Variants in ADAM22 observed in about 807,000 individuals in gnomAD.
The protein encoded by ADAM22 is disintegrin and metalloproteinase domain-containing protein 22.
ADAM22 carries 65 observed loss-of-function variants against 144.6 expected under a neutral mutation model. The ratio of observed to expected loss-of-function variants is 0.45; its 90% CI spans 0.37 to 0.55. The LOEUF is 0.55. ADAM22 is among the 20% of genes least tolerant of loss of function. ADAM22 has a pLI of 0.00. For missense variants in ADAM22, 974 were observed against 1,184.9 expected (o/e 0.82, Z 2.61); for synonymous variants, 391 against 412.6 (o/e 0.95, Z 0.63).
chr7:88,007,299 A>C (rs1584971324), intron 3 of ADAM22, among the ~76,000 whole-genome samples: 1 of 152,194 alleles, frequency 6.6e-6, no homozygotes. Flanking sequence ...GGAAGAATCA[A>C]TATCGTGAAA....
chr7:88,060,776 A>C (rs1446067712), intron 3 of ADAM22, among the ~76,000 whole-genome samples: 5 of 151,000 alleles, frequency 3.3e-5, no homozygotes, highest in South Asian at 4.2e-4. Context: ...CAAAAAAAAA[A>C]AAAAACAAAA....
At chr7:87,963,915 G>T (rs934369326) in intron 2 of ADAM22, among the ~76,000 whole-genome samples, 1 of 152,066 alleles carries the variant, frequency 6.6e-6, no homozygotes, top group South Asian at 2.1e-4. Context: ...GAGAGTAAGG[G>T]TTTTATTTCT....
At chr7:87,971,066 A>G (rs1033897575) in intron 2 of ADAM22, among the ~76,000 whole-genome samples, 7 of 151,704 alleles carry the variant, frequency 4.6e-5, no homozygotes, top group Admixed American at 1.3e-4. Context: ...AGTGACAGAC[A>G]TATATATATA....
intron 4 of ADAM22, among the ~76,000 whole-genome samples, chr7:88,099,124 G>C (rs988926732): frequency 8.5e-5 from 13 of 152,150 alleles, no homozygotes; most frequent in Non-Finnish European, 1.8e-4. Context: ...TGGAAAAGTG[G>C]TAATGGAGTC....
chr7:88,022,001 T>C (rs1797940522), intron 3 of ADAM22, among the ~76,000 whole-genome samples: 1 of 152,036 alleles, frequency 6.6e-6, no homozygotes, highest in Non-Finnish European at 1.5e-5. Context: ...GCCTCCCGAA[T>C]GTTGAGGACT....
intron 2 of ADAM22, among the ~76,000 whole-genome samples, chr7:87,955,186 G>A (rs528933628): frequency 1.7e-4 from 26 of 152,324 alleles, no homozygotes; most frequent in Non-Finnish European, 2.4e-4. Flanking sequence ...GAGGAACTGC[G>A]TTCCTTTGGA....
chr7:88,035,726 T>C (rs1372698827), intron 3 of ADAM22, among the ~76,000 whole-genome samples: 1 of 152,222 alleles, frequency 6.6e-6, no homozygotes, highest in Non-Finnish European at 1.5e-5. Flanking sequence ...ATAGGCTGTA[T>C]GCAAATACCA....
At chr7:87,952,751 G>C (rs1364414911) in intron 2 of ADAM22, among the ~76,000 whole-genome samples, 2 of 152,096 alleles carry the variant, frequency 1.3e-5, no homozygotes, top group African/African-American at 4.8e-5. Context: ...GGTAGAATTC[G>C]GCTGTGAATC....
intron 4 of ADAM22, among the ~76,000 whole-genome samples, chr7:88,082,802 C>G (rs532280058): frequency 6.6e-6 from 1 of 152,166 alleles, no homozygotes; most frequent in South Asian, 2.1e-4. Flanking sequence ...CATCTCACAC[C>G]AGTTAGAATG....
chr7:88,195,447 A>T (rs547866203), intron 31 of ADAM22, among the ~76,000 whole-genome samples: 2 of 152,300 alleles, frequency 1.3e-5, no homozygotes, highest in African/African-American at 4.8e-5. Flanking sequence ...ATGAAGGGAC[A>T]TCCTGCCTTG....
intron 3 of ADAM22, among the ~76,000 whole-genome samples, chr7:88,032,528 C>T (rs565775709): frequency 2.8e-4 from 43 of 152,322 alleles, no homozygotes; most frequent in African/African-American, 1.0e-3. Flanking sequence ...TGCCTTGTCT[C>T]AGATGTGACT....
At chr7:88,137,983 A>G (rs1356832142) in intron 14 of ADAM22, among the ~76,000 whole-genome samples, 1 of 152,058 alleles carries the variant, frequency 6.6e-6, no homozygotes, top group Non-Finnish European at 1.5e-5. Flanking sequence ...GTGAAACTAC[A>G]TCTCTACAAA....
At chr7:88,189,817 G>C (rs1050278743) in intron 30 of ADAM22, among the ~76,000 whole-genome samples, 3 of 152,030 alleles carry the variant, frequency 2.0e-5, no homozygotes, top group Non-Finnish European at 2.9e-5. Context: ...GGTGGTGTGC[G>C]CTTGTAATCC....
At chr7:87,951,052 T>G (rs1402502524) in intron 2 of ADAM22, among the ~76,000 whole-genome samples, 2 of 152,234 alleles carry the variant, frequency 1.3e-5, no homozygotes, top group African/African-American at 2.4e-5. Flanking sequence ...CTTTGTCAGA[T>G]GAGTAGGTTG....
intron 7 of ADAM22, among the ~76,000 whole-genome samples, chr7:88,123,242 G>A (rs896194587): frequency 1.3e-5 from 2 of 151,844 alleles, no homozygotes; most frequent in Non-Finnish European, 2.9e-5. Flanking sequence ...TCTGGTTTTA[G>A]TACCAGGGTT....
At chr7:87,966,350 T>A (rs1233049490) in intron 2 of ADAM22, among the ~76,000 whole-genome samples, 1 of 152,246 alleles carries the variant, frequency 6.6e-6, no homozygotes, top group African/African-American at 2.4e-5. Context: ...CTACTAAATA[T>A]CTTAAAGGTC....
At chr7:88,124,374 C>G (rs1829968954) in intron 7 of ADAM22, among the ~76,000 whole-genome samples, 1 of 151,696 alleles carries the variant, frequency 6.6e-6, no homozygotes, top group Admixed American at 6.6e-5. Flanking sequence ...AGTTTCCTTT[C>G]TCTCAGATAC....
At chr7:88,161,760 T>A (rs905392485) in intron 22 of ADAM22, among the ~76,000 whole-genome samples, 1 of 152,052 alleles carries the variant, frequency 6.6e-6, no homozygotes, top group Admixed American at 6.6e-5. Flanking sequence ...CACCATAAGA[T>A]ACCATCTCAC....
In ADAM22 at chr7:88,184,609, T is replaced by C. The variant is rs1286164183; in HGVS notation, c.2664-2006T>C. Among the ~76,000 whole-genome samples the C allele has an allele frequency of 3.3e-5, 5 of 152,172 alleles. No homozygotes were observed. In the East Asian group the frequency reaches 9.6e-4, roughly 29 times the overall value. On this transcript the variant is annotated intron_variant, in intron 29 of 31. Coordinates refer to ENST00000413139, the MANE Select transcript of ADAM22 (RefSeq NM_001324418.2). The stretch of plus-strand genomic sequence containing the variant: ...CTCCCCTATCCCATCTAACGCCATT[T>C]TTTTTTGCATGTCGCGCTATATGCC...
Sources: gnomAD v4.1 joint callset for allele counts (sites outside exome capture counted in the v4.1 genomes callset) on GRCh38, gnomAD v4.1.1 for gene constraint, MANE v1.5 for transcripts, NCBI Gene and HGNC (gene_info 2026-07-23, HGNC 2026-07-21) for gene names.